Variants in PLCL1 observed in about 807,000 individuals in gnomAD.
PLCL1 encodes the protein phospholipase C like 1 (inactive).
A neutral mutation model predicts 84.4 loss-of-function variants in PLCL1; 41 were observed. The ratio of observed to expected loss-of-function variants is 0.49; its 90% CI spans 0.38 to 0.63. The LOEUF (loss-of-function observed/expected upper bound fraction) is 0.63. Among genes scored for constraint, PLCL1 ranks in the 30% least tolerant of loss-of-function variants. PLCL1 has a pLI of 0.00. For missense variants in PLCL1, 1,206 were observed against 1,367.8 expected (o/e 0.88, Z 1.87); for synonymous variants, 490 against 488.3 (o/e 1.00, Z -0.05).
At chr2:197,848,752 C>G (rs1236564876) in intron 1 of PLCL1, among the ~76,000 whole-genome samples, 1 of 152,068 alleles carries the variant, frequency 6.6e-6, no homozygotes, top group Admixed American at 6.6e-5. Flanking sequence ...AAACCACTTG[C>G]AGGTGTTGTG....
chr2:197,819,910 G>A (rs1690781286), intron 1 of PLCL1, among the ~76,000 whole-genome samples: 1 of 151,812 alleles, frequency 6.6e-6, no homozygotes, highest in African/African-American at 2.4e-5. Context: ...GTGTGTGTGT[G>A]TGTGTGTGTG....
At chr2:198,001,076 A>G (rs551076340) in intron 1 of PLCL1, among the ~76,000 whole-genome samples, 53 of 152,304 alleles carry the variant, frequency 3.5e-4, no homozygotes, top group African/African-American at 1.2e-3. Context: ...TAACTCATAG[A>G]GGAATAATAG....
intron 1 of PLCL1, among the ~76,000 whole-genome samples, chr2:197,839,051 C>T (rs556898925): frequency 1.3e-5 from 2 of 152,190 alleles, no homozygotes; most frequent in Non-Finnish European, 2.9e-5. Flanking sequence ...TCTTTCATGC[C>T]GTTGTCAACT....
At chr2:197,877,825 A>G (rs892486056) in intron 1 of PLCL1, among the ~76,000 whole-genome samples, 2 of 152,160 alleles carry the variant, frequency 1.3e-5, no homozygotes, top group African/African-American at 4.8e-5. Context: ...AGAGTTCTCA[A>G]ATGAGGGCCT....
chr2:198,081,543 A>C (rs185396152), intron 1 of PLCL1, among the ~76,000 whole-genome samples: 36 of 152,320 alleles, frequency 2.4e-4, no homozygotes, highest in Non-Finnish European at 2.9e-5. Flanking sequence ...TAACTTAAGG[A>C]TGAGGAAACT....
At chr2:197,849,188 C>A (rs1300727427) in intron 1 of PLCL1, among the ~76,000 whole-genome samples, 1 of 152,058 alleles carries the variant, frequency 6.6e-6, no homozygotes, top group Non-Finnish European at 1.5e-5. Context: ...ATGCAAGGAA[C>A]AGTAGGTTTG....
chr2:197,933,476 T>C (rs1478922200), intron 1 of PLCL1, among the ~76,000 whole-genome samples: 1 of 152,018 alleles, frequency 6.6e-6, no homozygotes, highest in Non-Finnish European at 1.5e-5. Flanking sequence ...TGTTAGCTAG[T>C]ATGTGTTGTT....
At chr2:197,990,496 G>A (rs1326426994) in intron 1 of PLCL1, among the ~76,000 whole-genome samples, 1 of 152,164 alleles carries the variant, frequency 6.6e-6, no homozygotes, top group Admixed American at 6.5e-5. Flanking sequence ...ACATGGCTGG[G>A]GAGGCCTCAC....
chr2:197,842,831 A>G (rs1382350913), intron 1 of PLCL1, among the ~76,000 whole-genome samples: 1 of 152,152 alleles, frequency 6.6e-6, no homozygotes, highest in Non-Finnish European at 1.5e-5. Flanking sequence ...CTCTCCCTTG[A>G]TGGAGAAAGT....
intron 5 of PLCL1, among the ~76,000 whole-genome samples, chr2:198,108,172 C>G (rs559763028): frequency 1.3e-5 from 2 of 151,856 alleles, no homozygotes; most frequent in Non-Finnish European, 2.9e-5. Context: ...AATAAATGCT[C>G]TTTGTTTATA....
chr2:198,040,658 T>G (rs184749442), intron 1 of PLCL1, among the ~76,000 whole-genome samples: 3 of 152,244 alleles, frequency 2.0e-5, no homozygotes, highest in Admixed American at 2.0e-4. Flanking sequence ...CCAGGAGGAA[T>G]GAGGAACACA....
intron 5 of PLCL1, among the ~76,000 whole-genome samples, chr2:198,131,966 TTA>T (rs1309484978): frequency 2.0e-5 from 3 of 152,168 alleles, no homozygotes; most frequent in African/African-American, 7.2e-5. Context: ...GAGGACTGTG[TTA>T]TCTTTTCCTT....
In PLCL1 at chr2:197,904,375, T is replaced by C. The variant is rs149045766; in HGVS notation, c.240+99036T>C. On this transcript the variant is annotated intron_variant, in intron 1 of 5. Transcript: ENST00000428675. ...GGTCTCATCTCATGTACTTGTATTCTTTTTGCAGGGTTTAAAAAGTCGTTC... is the reference window on the plus strand; with the variant it reads ...GGTCTCATCTCATGTACTTGTATTCCTTTTGCAGGGTTTAAAAAGTCGTTC... Among the ~76,000 whole-genome samples the C allele has an allele frequency of 5.8e-4, 88 of 152,334 alleles. 4 individuals are homozygous for C. The South Asian group carries it at 0.014, about 24-fold the overall frequency.
chr2:198,025,171 A>T (rs1691234345), intron 1 of PLCL1, among the ~76,000 whole-genome samples: 1 of 152,070 alleles, frequency 6.6e-6, no homozygotes, highest in Non-Finnish European at 1.5e-5. Context: ...TGGAGTATTC[A>T]TTCCTGTCTG....
At chr2:198,010,279 C>T (rs2165237) in intron 1 of PLCL1, among the ~76,000 whole-genome samples, 34,528 of 151,600 alleles carry the variant, frequency 0.23, 4,037 homozygotes, top group African/African-American at 0.29. Context: ...CTTTTCTCAT[C>T]GAATATGATG....
chr2:198,043,881 CTTT>C (rs397800019), intron 1 of PLCL1, among the ~76,000 whole-genome samples: 9 of 124,860 alleles, frequency 7.2e-5, no homozygotes, highest in African/African-American at 1.5e-4. Context: ...AATTCTTGTT[CTTT>C]TTTTTTTTTT....
chr2:198,083,489 A>G (rs1322072125), intron 1 of PLCL1, among the ~76,000 whole-genome samples: 1 of 152,212 alleles, frequency 6.6e-6, no homozygotes. Flanking sequence ...ATCTGCTTTA[A>G]TGAACAAATC....
chr2:197,972,619 G>A (rs1339173572), intron 1 of PLCL1, among the ~76,000 whole-genome samples: 2 of 152,162 alleles, frequency 1.3e-5, no homozygotes, highest in South Asian at 4.1e-4. Context: ...AATTGCTGGA[G>A]ATCTTCAGCA....
intron 1 of PLCL1, among the ~76,000 whole-genome samples, chr2:198,002,495 A>C (rs1690627178): frequency 6.6e-6 from 1 of 152,186 alleles, no homozygotes; most frequent in Non-Finnish European, 1.5e-5. Flanking sequence ...TCATAGTGGG[A>C]TATACAAAAA....
Sources: gnomAD v4.1 joint callset for allele counts (sites outside exome capture counted in the v4.1 genomes callset) on GRCh38, gnomAD v4.1.1 for gene constraint, MANE v1.5 for transcripts, NCBI Gene and HGNC (gene_info 2026-07-23, HGNC 2026-07-21) for gene names.